Variants in CA10 observed in about 807,000 individuals in gnomAD.
CA10 encodes carbonic anhydrase 10 (inactive).
A neutral mutation model predicts 44.2 loss-of-function variants in CA10; 14 were observed. The observed-to-expected ratio is 0.32, with a 90% CI of 0.21 to 0.50. The LOEUF (loss-of-function observed/expected upper bound fraction) is 0.50, where lower values mean the gene tolerates loss of function less well. Among genes scored for constraint, CA10 ranks in the 20% least tolerant of loss-of-function variants. CA10 has a pLI of 0.99. For missense variants in CA10, 350 were observed against 409.7 expected, an observed-to-expected ratio of 0.85 and a Z score of 1.26; for synonymous variants, 159 against 141.6, an observed-to-expected ratio of 1.12 and a Z score of -0.87.
chr17:52,148,121 C>T (rs980701113), intron 1 of CA10, among the ~76,000 whole-genome samples: 4 of 152,156 alleles, frequency 2.6e-5, no homozygotes, highest in African/African-American at 9.7e-5. Context: ...AGACTGAAAA[C>T]ACCATAGAGA....
intron 1 of CA10, among the ~76,000 whole-genome samples, chr17:52,077,809 G>A (rs1380300109): frequency 2.0e-5 from 3 of 152,170 alleles, no homozygotes; most frequent in Non-Finnish European, 4.4e-5. Context: ...CTCTCCACCC[G>A]ATTTCCATTG....
chr17:51,681,006 G>T (rs1914828463), intron 4 of CA10, among the ~76,000 whole-genome samples: 1 of 152,130 alleles, frequency 6.6e-6, no homozygotes, highest in African/African-American at 2.4e-5. Flanking sequence ...TGGTGCCTAT[G>T]AAAGATAAGA....
At chr17:52,006,889 G>A (rs1985617908) in intron 2 of CA10, among the ~76,000 whole-genome samples, 1 of 151,706 alleles carries the variant, frequency 6.6e-6, no homozygotes, top group Admixed American at 6.6e-5. Flanking sequence ...ACTTTAGCCA[G>A]TCGTGCACAT....
intron 4 of CA10, among the ~76,000 whole-genome samples, chr17:51,723,572 A>G (rs977795194): frequency 4.1e-5 from 5 of 122,436 alleles, no homozygotes; most frequent in African/African-American, 1.3e-4. Flanking sequence ...ATAACATTGT[A>G]TAATATCAAG....
chr17:52,116,273 G>T (rs1988894131), intron 1 of CA10, among the ~76,000 whole-genome samples: 1 of 152,014 alleles, frequency 6.6e-6, no homozygotes. Flanking sequence ...TTTTTACTAG[G>T]CCAGGACCCC....
chr17:51,959,574 T>C (rs1983806051), intron 2 of CA10, among the ~76,000 whole-genome samples: 1 of 151,960 alleles, frequency 6.6e-6, no homozygotes, highest in South Asian at 2.1e-4. Context: ...GCGCATGCAT[T>C]GAAATTAACC....
rs56088846 is a variant in CA10, at chr17:52,122,274, T to C, written c.61+35452A>G. Among the ~76,000 whole-genome samples, 567 of 152,276 alleles carry C rather than the reference T, an allele frequency of 3.7e-3. 4 individuals carry two copies. The highest frequency in any genetic ancestry group is 0.013 in the African/African-American group (534 of 41,546). ...TTCTAATGCAATACATTTTTTAAAA[T>C]AGAAGTTAATACAGATAAATTCATT... On this transcript the variant is annotated intron_variant, in intron 1 of 8. Transcript: ENST00000451037.
chr17:51,977,500 T>A (rs1984504035), intron 2 of CA10, among the ~76,000 whole-genome samples: 1 of 152,028 alleles, frequency 6.6e-6, no homozygotes, highest in Non-Finnish European at 1.5e-5. Context: ...CAGTCAATCA[T>A]GGAAAAATTC....
chr17:52,065,306 T>C (rs1203173781), intron 2 of CA10, among the ~76,000 whole-genome samples: 1 of 152,278 alleles, frequency 6.6e-6, no homozygotes, highest in Non-Finnish European at 1.5e-5. Context: ...CTACAGATTG[T>C]ACTGATGTGT....
At chr17:51,849,215 A>G (rs1189063547) in intron 3 of CA10, among the ~76,000 whole-genome samples, 7 of 52,998 alleles carry the variant, frequency 1.3e-4, no homozygotes, top group African/African-American at 4.4e-4. Context: ...GTATATATAT[A>G]TATACATATA....
At chr17:51,994,260 T>C (rs1985148871) in intron 2 of CA10, among the ~76,000 whole-genome samples, 1 of 152,032 alleles carries the variant, frequency 6.6e-6, no homozygotes, top group African/African-American at 2.4e-5. Flanking sequence ...CAAGAGTTTT[T>C]TTCCCCCTAT....
chr17:51,801,239 G>A (rs183649997), intron 3 of CA10, among the ~76,000 whole-genome samples: 5 of 152,260 alleles, frequency 3.3e-5, no homozygotes, highest in East Asian at 1.9e-4. Context: ...GTTCACTTTC[G>A]TTTGGGTGAG....
At chr17:51,826,488 T>C (rs1374193458) in intron 3 of CA10, among the ~76,000 whole-genome samples, 2 of 152,242 alleles carry the variant, frequency 1.3e-5, no homozygotes, top group Non-Finnish European at 2.9e-5. Flanking sequence ...TCATAAGCTA[T>C]GAAGCAATGA....
At chr17:51,687,373 G>A (rs1915042909) in intron 4 of CA10, among the ~76,000 whole-genome samples, 1 of 152,152 alleles carries the variant, frequency 6.6e-6, no homozygotes, top group Non-Finnish European at 1.5e-5. Context: ...TTACCTACAA[G>A]CCCTCACCAG....
intron 1 of CA10, among the ~76,000 whole-genome samples, chr17:52,108,631 T>C (rs4794327): frequency 0.66 from 95,812 of 145,860 alleles, 32,980 homozygotes; most frequent in African/African-American, 0.89. Context: ...ACCTGGGAGG[T>C]GGAGGTTGCA....
chr17:51,872,245 A>T (rs757404431), intron 3 of CA10, among the ~76,000 whole-genome samples: 57 of 152,182 alleles, frequency 3.7e-4, no homozygotes, highest in Non-Finnish European at 5.9e-4. Context: ...GGTTTATTCC[A>T]CAGAGTGACT....
chr17:51,784,502 T>C (rs1906184045), intron 3 of CA10, among the ~76,000 whole-genome samples: 1 of 152,330 alleles, frequency 6.6e-6, no homozygotes, highest in South Asian at 2.1e-4. Context: ...CCGACCTCTG[T>C]TTATCTCTGT....
Position 51,779,807 on chromosome 17 carries a change from T to C in CA10, c.280-31989A>G, listed in dbSNP as rs151140034. On this transcript the variant is annotated intron_variant, in intron 3 of 8. Coordinates refer to ENST00000451037, the MANE Select transcript of CA10 (RefSeq NM_020178.5). Reference sequence around the variant, plus strand: ...AATCTGTACCTTGGAAAGTAATTCATGTGCCTCTTGTCATAGACAAGTTAG... The same window carrying C: ...AATCTGTACCTTGGAAAGTAATTCACGTGCCTCTTGTCATAGACAAGTTAG... 4.7e-3 allele frequency among the ~76,000 whole-genome samples: 712 copies of C among 152,312 alleles called. 5 individuals are homozygous for C. The highest frequency in any genetic ancestry group is 7.9e-3 in the Non-Finnish European group (537 of 68,034).
chr17:51,954,341 T>G (rs1983589004), intron 2 of CA10, among the ~76,000 whole-genome samples: 1 of 152,172 alleles, frequency 6.6e-6, no homozygotes, highest in Non-Finnish European at 1.5e-5. Context: ...GAAATGCAAA[T>G]TTAGCACAAG....
Sources: allele counts gnomAD v4.1 joint callset (sites outside exome capture counted in the v4.1 genomes callset), GRCh38; gene constraint gnomAD v4.1.1; transcripts MANE v1.5; gene names NCBI Gene and HGNC (gene_info 2026-07-23, HGNC 2026-07-21).